Variants in C20orf96 observed in about 807,000 individuals in gnomAD.
C20orf96 encodes the protein uncharacterized protein C20orf96.
A neutral mutation model predicts 52.6 loss-of-function variants in C20orf96; 57 were observed. That is an observed-to-expected ratio of 1.08 (90% CI 0.88 to 1.35). C20orf96 has a LOEUF of 1.35. C20orf96 is among the 40% of genes most tolerant of loss of function. C20orf96 has a pLI of 0.00. For missense variants in C20orf96, 478 were observed against 443.6 expected (o/e 1.08, Z -0.70); for synonymous variants, 168 against 157.2 (o/e 1.07, Z -0.51).
intron 6 of C20orf96, among the ~76,000 whole-genome samples, chr20:278,047 T>C (rs898224959): frequency 5.3e-5 from 8 of 152,186 alleles, no homozygotes; most frequent in Admixed American, 3.9e-4. Context: ...GGTTTCCTCA[T>C]CTGTAAAATG....
At chr20:272,561 T>C (rs924895185) in intron 10 of C20orf96, among the ~76,000 whole-genome samples, 6 of 152,068 alleles carry the variant, frequency 3.9e-5, no homozygotes, top group African/African-American at 1.4e-4. Flanking sequence ...CTCACTATGT[T>C]GTCCCCCTGG....
intron 5 of C20orf96, among the ~76,000 whole-genome samples, 186 bp downstream of exon 5, chr20:278,982 GGGAC>G (rs1226740413): frequency 2.9e-4 from 1 of 3,430 alleles, no homozygotes; most frequent in Non-Finnish European, 5.5e-4. Flanking sequence ...GAGGGAGGGA[GGGAC>G]GGAGGGCGGG....
chr20:290,721 C>A lies in C20orf96; in HGVS notation c.-111G>T. The stretch of plus-strand genomic sequence containing the variant: ...GTGTAGATCGCGCGGTAACCCAGGC[C>A]ACTCAGAAGTCCCGAGACCCGATGC... On this transcript the variant is annotated 5_prime_UTR_variant, in exon 1 of 11. Coordinates refer to ENST00000360321, the MANE Select transcript of C20orf96 (RefSeq NM_153269.3). The A allele has an allele frequency of 7.5e-7, 1 of 1,337,776 alleles. No homozygotes were observed. Among genetic ancestry groups the A allele is most frequent in the South Asian group, 1.3e-5 (1 of 78,660 alleles). The allele number at this position is 1,337,776 out of a possible 1,614,324, so 82.9% of individuals were successfully genotyped here.
intron 2 of C20orf96, among the ~76,000 whole-genome samples, 163 bp from the exon 3 acceptor site, chr20:289,839 G>GC (rs2012492665): frequency 6.6e-6 from 1 of 152,160 alleles, no homozygotes; most frequent in South Asian, 2.1e-4. Flanking sequence ...GTGGATTGGC[G>GC]CAAGAATTCT....
rs1600189823 is a variant in C20orf96, at chr20:284,085, G to C, written c.188-4C>G. On this transcript the variant is annotated splice_polypyrimidine_tract_variant and splice_region_variant and intron_variant, in intron 3 of 10. Transcript: ENST00000360321. ...GTAGTGGGCTTGAAGTGAAACACTA[G>C]GGGTAGACAGGAAAGGACAGGGAGA... 1 of 1,610,828 alleles carries C rather than the reference G, an allele frequency of 6.2e-7. No homozygotes were observed.
At chr20:273,088 C>CCTTA (rs1568488835) in intron 10 of C20orf96, among the ~76,000 whole-genome samples, 1 of 152,224 alleles carries the variant, frequency 6.6e-6, no homozygotes, top group African/African-American at 2.4e-5. Flanking sequence ...AATCCTCCTG[C>CCTTA]CTTAGCCTTC....
intron 3 of C20orf96, among the ~76,000 whole-genome samples, chr20:285,985 T>C (rs1030856737): frequency 6.6e-6 from 1 of 152,212 alleles, no homozygotes; most frequent in Non-Finnish European, 1.5e-5. Flanking sequence ...ATGAATACGT[T>C]AAAATTTAAG....
chr20:275,632 C>G (rs2011993037), intron 10 of C20orf96, among the ~76,000 whole-genome samples: 1 of 152,188 alleles, frequency 6.6e-6, no homozygotes, highest in South Asian at 2.1e-4. Context: ...TTCCCTGAAG[C>G]CAACCACCCC....
intron 4 of C20orf96, among the ~76,000 whole-genome samples, chr20:282,908 G>A (rs916793270): frequency 6.6e-6 from 1 of 151,884 alleles, no homozygotes; most frequent in African/African-American, 2.4e-5. Flanking sequence ...AGAAATATGA[G>A]TTCCTCCTTT....
Position 276,081 on chromosome 20 carries a change from A to G in C20orf96, c.918T>C (p.Ile306=). The change falls in exon 10 of 11, where the codon ATT becomes ATC. Residue 306 remains isoleucine, a synonymous_variant. Coordinates refer to ENST00000360321, the MANE Select transcript of C20orf96 (RefSeq NM_153269.3). The part of the protein sequence containing the change: ...LKCMQRFREI[I]DQFEENMPVL... ...CAGGCATGTTCTCCTCAAACTGGTC[A>G]ATAATCTGAGAGGAAAGGCACAGCA... 1 of 1,614,050 alleles carries G rather than the reference A, an allele frequency of 6.2e-7. No homozygotes were observed. The highest frequency in any genetic ancestry group is 8.5e-7 in the Non-Finnish European group (1 of 1,180,000).
At chr20:271,410 T>C (rs1051548701) in intron 10 of C20orf96, 143 bp from the exon 11 acceptor site, 2 of 619,606 alleles carry the variant, frequency 3.2e-6, no homozygotes, top group Non-Finnish European at 5.7e-6. Flanking sequence ...GATCTATCTG[T>C]GACCTCAAAG....
At chr20:286,836 C>A (rs2012399700) in intron 3 of C20orf96, among the ~76,000 whole-genome samples, 1 of 152,312 alleles carries the variant, frequency 6.6e-6, no homozygotes, top group East Asian at 1.9e-4. Context: ...CTGTCCCTAA[C>A]CCCTGCAATC....
intron 6 of C20orf96, 46 bp downstream of exon 6, chr20:278,284 C>G: frequency 6.9e-7 from 1 of 1,457,502 alleles, no homozygotes; most frequent in Non-Finnish European, 9.6e-7. Context: ...CTGACCTCCC[C>G]AAGGTGCCAG....
At chr20:273,787 G>T (rs1324314548) in intron 10 of C20orf96, among the ~76,000 whole-genome samples, 3 of 151,630 alleles carry the variant, frequency 2.0e-5, no homozygotes, top group Non-Finnish European at 2.9e-5. Context: ...TGAGACAAGA[G>T]AATCACTTGA....
intron 4 of C20orf96, among the ~76,000 whole-genome samples, chr20:282,689 G>A (rs1441629037): frequency 6.6e-6 from 1 of 152,112 alleles, no homozygotes; most frequent in African/African-American, 2.4e-5. Flanking sequence ...TGGCCAATAT[G>A]GTGAAACCCC....
intron 10 of C20orf96, among the ~76,000 whole-genome samples, chr20:273,940 G>GGGAGGGAGGGT (rs2011927844): frequency 1.0e-5 from 1 of 98,968 alleles, no homozygotes; most frequent in Non-Finnish European, 2.0e-5. Flanking sequence ...GGAGGGAGGG[G>GGGAGGGAGGGT]AAAGAAAGAA....
In C20orf96 at chr20:279,299, C is replaced by G; in HGVS notation, c.338G>C (p.Arg113Pro). The stretch of plus-strand genomic sequence containing the variant: ...GAAGTTCTCACGGCTTCGGAGCTCT[C>G]GCAGAGCGGCCCTCCCGCTCCTGAG... ...TSLRSGRAAL[R>P]ELRSRENFLS... The change falls in exon 5 of 11, where the codon CGA becomes CCA. Residue 113 changes from arginine to proline, a missense_variant. Physicochemically the swap from Arg to Pro is moderately radical, Grantham distance 103. Coordinates refer to ENST00000360321, the MANE Select transcript of C20orf96 (RefSeq NM_153269.3). 5.6e-6 allele frequency: 9 copies of G among 1,607,654 alleles called. No homozygotes were observed. The highest frequency in any genetic ancestry group is 7.6e-6 in the Non-Finnish European group (9 of 1,178,834).
chr20:276,280 A>T (rs2012021242), intron 9 of C20orf96, 194 bp from the exon 10 acceptor site: 1 of 985,334 alleles, frequency 1.0e-6, no homozygotes, highest in South Asian at 4.7e-5. Context: ...GACAATATTC[A>T]GTGGTGCTGA....
chr20:287,139 TTG>T (rs1299499557), intron 3 of C20orf96, among the ~76,000 whole-genome samples: 1 of 152,240 alleles, frequency 6.6e-6, no homozygotes, highest in African/African-American at 2.4e-5. Context: ...ATACTGGCTT[TTG>T]TGTGAATATA....
Sources: allele counts gnomAD v4.1 joint callset (sites outside exome capture counted in the v4.1 genomes callset), GRCh38; gene constraint gnomAD v4.1.1; transcripts MANE v1.5; gene names NCBI Gene and HGNC (gene_info 2026-07-23, HGNC 2026-07-21).